WDR25: variants seen among roughly 807,000 people sequenced by gnomAD.
WDR25 encodes the protein WD repeat-containing protein 25.
A neutral mutation model predicts 47.7 loss-of-function variants in WDR25; 35 were observed. The observed-to-expected ratio is 0.73, with a 90% CI of 0.56 to 0.97. WDR25 has a LOEUF of 0.97. Ranked by LOEUF, WDR25 falls within the 50% of genes least tolerant of loss-of-function variation. WDR25 has a pLI of 0.00. For synonymous variants in WDR25, 248 were observed against 278.9 expected, an observed-to-expected ratio of 0.89 and a Z score of 1.10; for missense variants, 634 against 704.7, an observed-to-expected ratio of 0.90 and a Z score of 1.14.
At chr14:100,511,943 G>T (rs1901324596) in intron 4 of WDR25, among the ~76,000 whole-genome samples, 1 of 151,972 alleles carries the variant, frequency 6.6e-6, no homozygotes, top group Admixed American at 6.6e-5. Context: ...TGCATTCCTG[G>T]GATAAACTTC....
chr14:100,397,437 TTTCA>T (rs1897284586), intron 2 of WDR25, among the ~76,000 whole-genome samples: 1 of 152,256 alleles, frequency 6.6e-6, no homozygotes, highest in East Asian at 1.9e-4. Context: ...TGACATAGTA[TTTCA>T]TTCATTCAAC....
chr14:100,422,594 GA>G (rs1898056823), intron 2 of WDR25, among the ~76,000 whole-genome samples: 1 of 152,202 alleles, frequency 6.6e-6, no homozygotes. Flanking sequence ...CCCTCATGGT[GA>G]CTTGACGGGC....
chr14:100,496,110 C>A (rs1377067622), intron 4 of WDR25, among the ~76,000 whole-genome samples: 4 of 152,180 alleles, frequency 2.6e-5, no homozygotes, highest in African/African-American at 7.2e-5. Flanking sequence ...TCCTCACCAG[C>A]ACTTGTTCTT....
At position 100,499,587 on chromosome 14, in the gene WDR25, G is replaced by A. The variant is rs1900847146; in HGVS notation, c.1101+15463G>A. On this transcript the variant is annotated intron_variant, in intron 4 of 6. Transcript: ENST00000402312. The surrounding 1 kb of genome is among the most constrained non-coding windows in gnomAD (Gnocchi z 4.4). The stretch of plus-strand genomic sequence containing the variant: ...AGGTGAGACTTATGCATGTTCACCT[G>A]CATCCTGGAGGAAGGCACTGGTGCA... 1.3e-5 allele frequency among the ~76,000 whole-genome samples: 2 copies of A among 152,230 alleles called. No homozygotes were observed. The highest frequency in any genetic ancestry group is 6.5e-5 in the Admixed American group (1 of 15,286).
At chr14:100,496,134 A>G (rs897410150) in intron 4 of WDR25, among the ~76,000 whole-genome samples, 2 of 152,176 alleles carry the variant, frequency 1.3e-5, no homozygotes, top group Non-Finnish European at 2.9e-5. Flanking sequence ...TGTCTTTTAT[A>G]TTATACGTAT....
chr14:100,382,820 C>T (rs1483425791), intron 2 of WDR25, among the ~76,000 whole-genome samples: 1 of 152,226 alleles, frequency 6.6e-6, no homozygotes. Flanking sequence ...CGACCACTGG[C>T]CGGCTGCCTT....
chr14:100,381,055 GACC>G lies in WDR25; in HGVS notation c.135_137del (p.Pro46del). The G allele has an allele frequency of 6.2e-7, 1 of 1,614,248 alleles. No individual in the cohort carries two copies. The highest frequency in any genetic ancestry group is 1.1e-5 in the South Asian group (1 of 91,088). Reference sequence around the variant, plus strand: ...CAGAAAGACACTTCTGGTGTGGCCAGACCACCTGGGCAGGATTTTGCATCTGGT... The same window carrying G: ...CAGAAAGACACTTCTGGTGTGGCCAGACCTGGGCAGGATTTTGCATCTGGT... On this transcript the variant is annotated inframe_deletion, in exon 2 of 7. Coordinates refer to ENST00000402312, the MANE Select transcript of WDR25 (RefSeq NM_001161476.3).
chr14:100,475,297 A>G (rs548626329), intron 3 of WDR25, among the ~76,000 whole-genome samples: 3 of 152,226 alleles, frequency 2.0e-5, no homozygotes, highest in Non-Finnish European at 4.4e-5. Flanking sequence ...AAAGGAATTG[A>G]AATCGGTGTG....
At chr14:100,473,421 C>T (rs2140304266) in intron 3 of WDR25, among the ~76,000 whole-genome samples, 1 of 152,276 alleles carries the variant, frequency 6.6e-6, no homozygotes, top group Non-Finnish European at 1.5e-5. Flanking sequence ...CTCCCCACGT[C>T]TGTTTCCCTG....
intron 4 of WDR25, among the ~76,000 whole-genome samples, chr14:100,522,747 G>T (rs892038111): frequency 2.6e-5 from 4 of 152,218 alleles, no homozygotes; most frequent in African/African-American, 9.6e-5. Flanking sequence ...CCAAAATTAT[G>T]CAGCCAGTAA....
Position 100,401,485 on chromosome 14 carries a change from C to T in WDR25, c.822+19739C>T, listed in dbSNP as rs367991007. Among the ~76,000 whole-genome samples, 43 of 152,288 alleles carry T rather than the reference C, an allele frequency of 2.8e-4. No homozygotes were observed. In the East Asian group the frequency reaches 7.5e-3, roughly 27 times the overall value. ...GGCCCTGAGCACCCTGCCCATGTCCCCAGGAGGCAAGTCCTTGCCGTTCAG... is the reference window on the plus strand; with the variant it reads ...GGCCCTGAGCACCCTGCCCATGTCCTCAGGAGGCAAGTCCTTGCCGTTCAG... On this transcript the variant is annotated intron_variant, in intron 2 of 6. Transcript: ENST00000402312.
rs1335700865 is a variant in WDR25, at chr14:100,502,741, CAGA to C, written c.1101+18623_1101+18625del. The stretch of plus-strand genomic sequence containing the variant: ...TGCTTGGGGGCTAATGAAAGACTCA[CAGA>C]AGAAGGAGCTAATGATTTTGCTTGC... On this transcript the variant is annotated intron_variant, in intron 4 of 6. Coordinates refer to ENST00000402312, the MANE Select transcript of WDR25 (RefSeq NM_001161476.3). The surrounding 1 kb of genome is among the most constrained non-coding windows in gnomAD (Gnocchi z 4.5). Among the ~76,000 whole-genome samples the C allele has an allele frequency of 6.6e-6, 1 of 152,192 alleles. No homozygotes were observed. Among genetic ancestry groups the C allele is most frequent in the African/African-American group, 2.4e-5 (1 of 41,446 alleles).
chr14:100,522,702 A>G (rs1044462857), intron 4 of WDR25, among the ~76,000 whole-genome samples: 18 of 152,310 alleles, frequency 1.2e-4, no homozygotes, highest in South Asian at 2.1e-4. Context: ...TACTTTACAG[A>G]TATGGAGACT....
At chr14:100,451,465 C>T (rs1446255335) in intron 2 of WDR25, among the ~76,000 whole-genome samples, 1 of 152,200 alleles carries the variant, frequency 6.6e-6, no homozygotes, top group Non-Finnish European at 1.5e-5. Context: ...AACGATCTGC[C>T]CGCCTCAGCC....
intron 2 of WDR25, among the ~76,000 whole-genome samples, chr14:100,422,793 GC>G (rs1381967779): frequency 1.3e-5 from 2 of 152,278 alleles, no homozygotes; most frequent in East Asian, 3.9e-4. Context: ...GTTTTAATTT[GC>G]CTGCCCACTG....
In WDR25 at chr14:100,424,865, A is replaced by G. The variant is rs1898124260; in HGVS notation, c.822+43119A>G. On this transcript the variant is annotated intron_variant, in intron 2 of 6. Coordinates refer to ENST00000402312, the MANE Select transcript of WDR25 (RefSeq NM_001161476.3). This position sits in a 1 kb window ranked among gnomAD's most constrained non-coding sequence, Gnocchi z 4.2. ...AAGGAAACTCAGGCTCAACAAGGTG[A>G]TGCCTTTCCCAGGACATGTGCTCCT... is the stretch of plus-strand genomic sequence containing the variant. Among the ~76,000 whole-genome samples the G allele has an allele frequency of 6.6e-6, 1 of 152,150 alleles. No individual in the cohort carries two copies. Among genetic ancestry groups the G allele is most frequent in the African/African-American group, 2.4e-5 (1 of 41,412 alleles).
intron 3 of WDR25, among the ~76,000 whole-genome samples, chr14:100,475,337 T>C (rs1159164835): frequency 1.3e-5 from 2 of 152,208 alleles, no homozygotes; most frequent in Non-Finnish European, 2.9e-5. Flanking sequence ...CCCGTATTCA[T>C]TGCAGCACTG....
chr14:100,438,096 A>G (rs1267143091), intron 2 of WDR25, among the ~76,000 whole-genome samples: 1 of 152,204 alleles, frequency 6.6e-6, no homozygotes, highest in Non-Finnish European at 1.5e-5. Flanking sequence ...TCTCATGATT[A>G]TGTAAATATT....
At chr14:100,400,299 A>G (rs192115630) in intron 2 of WDR25, among the ~76,000 whole-genome samples, 2 of 152,358 alleles carry the variant, frequency 1.3e-5, no homozygotes, top group African/African-American at 4.8e-5. Flanking sequence ...ATGGCTGCAC[A>G]TTAACTGGGC....
Sources: allele counts gnomAD v4.1 joint callset (sites outside exome capture counted in the v4.1 genomes callset), GRCh38; gene constraint gnomAD v4.1.1; non-coding constraint Gnocchi (gnomAD v3.1); transcripts MANE v1.5; gene names NCBI Gene and HGNC (gene_info 2026-07-23, HGNC 2026-07-21).